The following CNTN4 variants were observed in gnomAD, a reference collection of about 807,000 sequenced individuals.
CNTN4 encodes the protein contactin-4.
Under a neutral mutation model 122.5 loss-of-function variants are expected in CNTN4, and 77 were observed. The ratio of observed to expected loss-of-function variants is 0.63; its 90% CI spans 0.52 to 0.76. The LOEUF (loss-of-function observed/expected upper bound fraction) is 0.76. CNTN4 is among the 30% of genes least tolerant of loss of function. The pLI, the probability that CNTN4 is intolerant of heterozygous loss-of-function variation, is 0.00. For synonymous variants in CNTN4, 512 were observed against 447.0 expected (o/e 1.15, Z -1.83); for missense variants, 1,256 against 1,259.1 (o/e 1.00, Z 0.04).
intron 2 of CNTN4, among the ~76,000 whole-genome samples, chr3:2,326,504 ACACACACAC>A (rs2043465793): frequency 7.7e-6 from 1 of 130,166 alleles, no homozygotes; most frequent in Non-Finnish European, 1.7e-5. Flanking sequence ...ACACACACAC[ACACACACAC>A]ACACACACAC....
chr3:2,679,038 T>G (rs1353819055), intron 4 of CNTN4, among the ~76,000 whole-genome samples: 1 of 152,202 alleles, frequency 6.6e-6, no homozygotes, highest in Non-Finnish European at 1.5e-5. Context: ...GTTCACTGAA[T>G]GTTCTGAAAA....
intron 3 of CNTN4, among the ~76,000 whole-genome samples, chr3:2,536,587 A>AT (rs79258066): frequency 0.012 from 1,700 of 141,028 alleles, 28 homozygotes; most frequent in African/African-American, 0.035. Context: ...TTTTTAAATA[A>AT]TTTTTTTTTT....
intron 13 of CNTN4, among the ~76,000 whole-genome samples, chr3:2,950,567 C>T (rs1160975433): frequency 3.3e-5 from 5 of 152,174 alleles, no homozygotes; most frequent in African/African-American, 1.2e-4. Context: ...AGATGCTGGA[C>T]TAGGTCCTCT....
At chr3:2,138,085 G>A (rs2034797821) in intron 2 of CNTN4, among the ~76,000 whole-genome samples, 1 of 130,974 alleles carries the variant, frequency 7.6e-6, no homozygotes, top group Non-Finnish European at 1.6e-5. Flanking sequence ...TTTTTTTTTC[G>A]AGACGGAGTC....
intron 9 of CNTN4, among the ~76,000 whole-genome samples, chr3:2,884,209 G>T (rs1188289556): frequency 6.6e-6 from 1 of 152,006 alleles, no homozygotes; most frequent in Non-Finnish European, 1.5e-5. Context: ...TAAGTGCTGG[G>T]ATTATAGTCC....
chr3:2,218,242 C>A (rs1167276965), intron 2 of CNTN4, among the ~76,000 whole-genome samples: 1 of 152,014 alleles, frequency 6.6e-6, no homozygotes, highest in Non-Finnish European at 1.5e-5. Flanking sequence ...TTTTAATGTA[C>A]AAGTAGTAAC....
chr3:2,814,157 A>G (rs1477387913), intron 6 of CNTN4, among the ~76,000 whole-genome samples: 2 of 152,252 alleles, frequency 1.3e-5, no homozygotes, highest in Non-Finnish European at 2.9e-5. Flanking sequence ...GGAAAAAGTT[A>G]TGTAAAATGC....
intron 13 of CNTN4, among the ~76,000 whole-genome samples, chr3:2,930,909 G>A (rs1322662095): frequency 6.6e-6 from 1 of 152,170 alleles, no homozygotes; most frequent in East Asian, 1.9e-4. Flanking sequence ...CAATCCTGAG[G>A]CATATGTTAT....
intron 2 of CNTN4, among the ~76,000 whole-genome samples, chr3:2,127,286 T>C (rs929470049): frequency 6.6e-6 from 1 of 152,112 alleles, no homozygotes; most frequent in Admixed American, 6.5e-5. Context: ...GCCAAGTCCA[T>C]CAGAGAACTT....
chr3:2,911,871 C>T (rs1329558421), intron 12 of CNTN4, among the ~76,000 whole-genome samples: 1 of 151,992 alleles, frequency 6.6e-6, no homozygotes, highest in African/African-American at 2.4e-5. Context: ...AAAGACAGAA[C>T]ATTAGAAATT....
chr3:2,752,008 C>G (rs574618723), intron 6 of CNTN4, among the ~76,000 whole-genome samples: 2 of 152,198 alleles, frequency 1.3e-5, no homozygotes, highest in Admixed American at 1.3e-4. Context: ...AGGTTGTTAG[C>G]AAGATTACAT....
At chr3:2,817,243 A>G (rs2092757699) in intron 6 of CNTN4, among the ~76,000 whole-genome samples, 1 of 152,222 alleles carries the variant, frequency 6.6e-6, no homozygotes, top group Admixed American at 6.5e-5. Flanking sequence ...CATAATGACT[A>G]CATACTTGAA....
At chr3:2,237,420 G>C (rs768375417) in intron 2 of CNTN4, among the ~76,000 whole-genome samples, 1 of 152,082 alleles carries the variant, frequency 6.6e-6, no homozygotes, top group Non-Finnish European at 1.5e-5. Flanking sequence ...GCTGCAGTGA[G>C]CTATAACCCA....
intron 3 of CNTN4, among the ~76,000 whole-genome samples, chr3:2,520,981 A>G (rs561386707): frequency 3.3e-5 from 5 of 152,272 alleles, no homozygotes; most frequent in African/African-American, 1.2e-4. Context: ...TACTACCCTT[A>G]CGAAAGTACG....
chr3:2,295,162 G>A (rs1295396065), intron 2 of CNTN4, among the ~76,000 whole-genome samples: 15 of 145,856 alleles, frequency 1.0e-4, no homozygotes, highest in Non-Finnish European at 2.2e-4. Context: ...CTTTATAGCA[G>A]CATGATTTGT....
chr3:2,730,938 T>TTGA, intron 4 of CNTN4, among the ~76,000 whole-genome samples: 1 of 152,090 alleles, frequency 6.6e-6, no homozygotes, highest in East Asian at 1.9e-4. Flanking sequence ...ATAGAGATCA[T>TTGA]TGATGTTCCA....
intron 7 of CNTN4, among the ~76,000 whole-genome samples, chr3:2,855,092 C>G (rs6442759): frequency 0.51 from 77,079 of 152,014 alleles, 19,897 homozygotes; most frequent in African/African-American, 0.56. Flanking sequence ...CTGAAATTCT[C>G]AGTACTCCTG....
At chr3:2,170,188 G>GT (rs575018107) in intron 2 of CNTN4, among the ~76,000 whole-genome samples, 16,462 of 146,636 alleles carry the variant, frequency 0.11, 1,534 homozygotes, top group African/African-American at 0.28. Context: ...GGGCGTGGTG[G>GT]CGGCGCCTGT....
At chr3:2,351,760 A>C (rs2044632990) in intron 3 of CNTN4, among the ~76,000 whole-genome samples, 1 of 151,618 alleles carries the variant, frequency 6.6e-6, no homozygotes, top group Non-Finnish European at 1.5e-5. Context: ...TGTTTATGAA[A>C]TCTAAAAAAA....
Sources: gnomAD v4.1 joint callset for allele counts (sites outside exome capture counted in the v4.1 genomes callset) on GRCh38, gnomAD v4.1.1 for gene constraint, MANE v1.5 for transcripts, NCBI Gene and HGNC (gene_info 2026-07-23, HGNC 2026-07-21) for gene names.